Variants in PPP6C observed in about 807,000 individuals in gnomAD.
PPP6C encodes serine/threonine-protein phosphatase 6 catalytic subunit.
A neutral mutation model predicts 39.8 loss-of-function variants in PPP6C; 11 were observed. That is an observed-to-expected ratio of 0.28 (90% CI 0.17 to 0.46). PPP6C has a LOEUF of 0.46. Among genes scored for constraint, PPP6C ranks in the 20% least tolerant of loss-of-function variants. The pLI is 1.00. For missense variants in PPP6C, 211 were observed against 373.9 expected (o/e 0.56, Z 3.59); for synonymous variants, 129 against 130.3 (o/e 0.99, Z 0.07).
intron 3 of PPP6C, 36 bp from the exon 4 acceptor site, chr9:125,158,418 A>G (rs1836132524): frequency 1.3e-6 from 2 of 1,582,586 alleles, no homozygotes; most frequent in African/African-American, 2.7e-5. Flanking sequence ...AAACAATACA[A>G]TAGCCACAAT....
At position 125,163,555 on chromosome 9, in the gene PPP6C, C is replaced by A. The variant is rs1034979630; in HGVS notation, c.172-2649G>T. ...AAGTGATTCTCCTGCCTCAGCCTCC[C>A]GAGTAGCTGGGATTACAGGCGCGTG... On this transcript the variant is annotated intron_variant, in intron 2 of 6. Transcript: ENST00000373547. Among the ~76,000 whole-genome samples the A allele has an allele frequency of 3.3e-5, 5 of 152,144 alleles. No individual in the cohort carries two copies. In the East Asian group the frequency reaches 9.7e-4, roughly 29 times the overall value.
At chr9:125,155,667 G>A (rs959638301) in intron 4 of PPP6C, among the ~76,000 whole-genome samples, 4 of 152,156 alleles carry the variant, frequency 2.6e-5, no homozygotes, top group African/African-American at 9.7e-5. Context: ...ACTTTGGGAG[G>A]CCGAGGCGGG....
In PPP6C at chr9:125,166,535, C is replaced by T. The variant is rs199553869; in HGVS notation, c.171+4550G>A. Among the ~76,000 whole-genome samples, 241 of 134,420 alleles carry T rather than the reference C, an allele frequency of 1.8e-3. 1 individual carries two copies. The highest frequency in any genetic ancestry group is 2.8e-3 in the Non-Finnish European group (175 of 63,270). 88.2% of individuals were successfully genotyped at this position (134,420 alleles called of 152,430 possible). ...GAATTTCACAAGTATTTTTCTTTTT[C>T]TTTTTTTTTTTTTTTTTAGCAGAGT... On this transcript the variant is annotated intron_variant, in intron 2 of 6. Transcript: ENST00000373547.
chr9:125,154,597 T>G (rs1176495256), intron 4 of PPP6C, among the ~76,000 whole-genome samples: 3 of 152,230 alleles, frequency 2.0e-5, no homozygotes, highest in African/African-American at 7.2e-5. Context: ...TAAATACTAA[T>G]TTCACACAAC....
At chr9:125,156,428 C>A (rs936125316) in intron 4 of PPP6C, among the ~76,000 whole-genome samples, 3 of 152,102 alleles carry the variant, frequency 2.0e-5, no homozygotes, top group African/African-American at 7.2e-5. Context: ...CAAGTGCCAC[C>A]ATGCCCAGCT....
chr9:125,182,700 G>A (rs1042901352), intron 1 of PPP6C, among the ~76,000 whole-genome samples: 1 of 149,580 alleles, frequency 6.7e-6, no homozygotes, highest in Non-Finnish European at 1.5e-5. Context: ...CATTGCAGGG[G>A]ACTGCTTGCT....
intron 1 of PPP6C, among the ~76,000 whole-genome samples, chr9:125,182,980 G>A (rs973236645): frequency 6.6e-6 from 1 of 151,976 alleles, no homozygotes; most frequent in Non-Finnish European, 1.5e-5. Flanking sequence ...GAGTAATTCT[G>A]GACACCTCTA....
At chr9:125,151,312 T>G (rs1835935536) in intron 6 of PPP6C, 2 of 1,467,886 alleles carry the variant, frequency 1.4e-6, no homozygotes, top group Non-Finnish European at 1.9e-6. Context: ...TTGACACTTG[T>G]GGCACAATCT....
chr9:125,150,730 G>A, intron 6 of PPP6C: 1 of 775,404 alleles, frequency 1.3e-6, no homozygotes, highest in Non-Finnish European at 2.2e-6. Flanking sequence ...CTGGAGCTCG[G>A]CAAGGCAGTG....
chr9:125,175,638 G>A (rs997476064), intron 1 of PPP6C, among the ~76,000 whole-genome samples: 7 of 129,084 alleles, frequency 5.4e-5, no homozygotes, highest in Non-Finnish European at 1.1e-4. Context: ...GCGAGACTCC[G>A]TCTCAAAAAA....
intron 4 of PPP6C, among the ~76,000 whole-genome samples, chr9:125,156,740 GCTCGCTCT>G (rs899378572): frequency 1.0e-4 from 14 of 134,092 alleles, no homozygotes; most frequent in African/African-American, 4.1e-4. Context: ...TTCCTAATAA[GCTCGCTCT>G]CTCTCTCTCT....
chr9:125,158,622 T>G (rs1313990947), intron 3 of PPP6C, among the ~76,000 whole-genome samples: 1 of 151,996 alleles, frequency 6.6e-6, no homozygotes, highest in African/African-American at 2.4e-5. Context: ...TGTGCCATTC[T>G]CTCAAAAACT....
intron 5 of PPP6C, 78 bp from the exon 6 acceptor site, chr9:125,153,820 C>A: frequency 6.6e-7 from 1 of 1,524,536 alleles, no homozygotes; most frequent in Admixed American, 1.7e-5. Context: ...CTAAAGATAT[C>A]AATATAATTG....
At position 125,189,742 on chromosome 9, in the gene PPP6C, A is replaced by G. The variant is rs1554724093; in HGVS notation, c.-24T>C. 1.9e-6 allele frequency: 3 copies of G among 1,563,140 alleles called. No homozygotes were observed. The highest frequency in any genetic ancestry group is 2.6e-6 in the Non-Finnish European group (3 of 1,159,412). Reference sequence around the variant, plus strand: ...ATTTTAAGAATAACAAGCCGCGGCAACAGCGGCGGCGGCGGCTGTAGCAGC... The same window carrying G: ...ATTTTAAGAATAACAAGCCGCGGCAGCAGCGGCGGCGGCGGCTGTAGCAGC... On this transcript the variant is annotated 5_prime_UTR_variant, in exon 1 of 7. Transcript: ENST00000373547.
chr9:125,150,635 G>T (rs949426489), intron 6 of PPP6C: 4 of 968,418 alleles, frequency 4.1e-6, no homozygotes, highest in Admixed American at 1.9e-5. Flanking sequence ...AGTGCTTAGG[G>T]TAGTTGGCCA....
In PPP6C at chr9:125,157,959, G is replaced by A. The variant is rs556766192; in HGVS notation, c.379+282C>T. 2.0e-5 allele frequency among the ~76,000 whole-genome samples: 3 copies of A among 152,262 alleles called. No homozygotes were observed. In the South Asian group the frequency reaches 6.2e-4, roughly 32 times the overall value. The stretch of plus-strand genomic sequence containing the variant: ...CTGCCTCAGCCTCCCAAAGTGCTGA[G>A]ATTACAGGTGTGAGCCACCCCACCC... On this transcript the variant is annotated intron_variant, in intron 4 of 6. Transcript: ENST00000373547.
Position 125,153,955 on chromosome 9 carries a change from T to A in PPP6C, c.410A>T (p.Asn137Ile). Residue 137 changes from asparagine (N) to isoleucine (I), a missense_variant, in exon 5 of 7, where the codon AAT becomes ATT. Asn to Ile is a moderately radical substitution (Grantham distance 149). Around this residue, in one of 2 missense-constraint regions of PPP6C, gnomAD observed 168 missense variants for 342.6 expected, o/e 0.49. Transcript: ENST00000373547. ...DECQTKYGNA[N>I]AWRYCTKVFD... ...AACTTTGGTACAGTATCTCCAGGCA[T>A]TAGCATTTCCATATTTGGTTTGGCA... is the stretch of plus-strand genomic sequence containing the variant. 3 of 1,611,288 alleles carry A rather than the reference T, an allele frequency of 1.9e-6. No homozygotes were observed. Among genetic ancestry groups the A allele is most frequent in the Non-Finnish European group, 2.5e-6 (3 of 1,177,510 alleles).
rs774198869 is a variant in PPP6C, at chr9:125,149,937, G to C, written c.670-16C>G. On this transcript the variant is annotated splice_polypyrimidine_tract_variant and intron_variant, in intron 6 of 6. Coordinates refer to ENST00000373547, the MANE Select transcript of PPP6C (RefSeq NM_002721.5). ...TATGAACAAACTGCAATTTAGAAAG[G>C]CACTGTAAGTACTTAGCACTTAAAA... 3 of 1,611,090 alleles carry C rather than the reference G, an allele frequency of 1.9e-6. No individual in the cohort carries two copies. Among genetic ancestry groups the C allele is most frequent in the Non-Finnish European group, 2.5e-6 (3 of 1,178,426 alleles).
intron 2 of PPP6C, among the ~76,000 whole-genome samples, chr9:125,165,963 A>AT (rs1268795188): frequency 1.3e-5 from 2 of 151,568 alleles, no homozygotes. Context: ...CACCTGGCTA[A>AT]TTTTTGTATT....
Sources: gnomAD v4.1 joint callset for allele counts (sites outside exome capture counted in the v4.1 genomes callset) on GRCh38, gnomAD v4.1.1 for gene constraint, gnomAD v4.1.1 regional missense constraint, MANE v1.5 for transcripts, NCBI Gene and HGNC (gene_info 2026-07-23, HGNC 2026-07-21) for gene names.